Variants in SLCO1B3 observed in about 807,000 individuals in gnomAD.
The protein encoded by SLCO1B3 is solute carrier organic anion transporter family member 1B3, also known as liver-specific organic anion transporter 2.
In SLCO1B3, 72 loss-of-function variants were observed where a neutral mutation model predicts 71.8. The ratio of observed to expected loss-of-function variants is 1.00; its 90% CI spans 0.83 to 1.22. The LOEUF (loss-of-function observed/expected upper bound fraction) is 1.22. Among genes scored for constraint, SLCO1B3 ranks in the 50% most tolerant of loss-of-function variants. The probability of loss-of-function intolerance (pLI) is 0.00; values close to 1 mark genes in which losing one functional copy is unlikely to be tolerated. For missense variants in SLCO1B3, 911 were observed against 819.7 expected, an observed-to-expected ratio of 1.11 and a Z score of -1.36; for synonymous variants, 298 against 278.4, an observed-to-expected ratio of 1.07 and a Z score of -0.70.
intron 13 of SLCO1B3, among the ~76,000 whole-genome samples, chr12:20,892,535 A>G (rs1865924766): frequency 6.6e-6 from 1 of 152,144 alleles, no homozygotes; most frequent in Non-Finnish European, 1.5e-5. Flanking sequence ...AAAAGAGTTT[A>G]ACCAGGACAC....
At chr12:20,818,849 A>G (rs1424182061) in intron 3 of SLCO1B3, among the ~76,000 whole-genome samples, 1 of 130,404 alleles carries the variant, frequency 7.7e-6, no homozygotes, top group South Asian at 2.4e-4. Context: ...AGAGAGATGC[A>G]GTCATGAGGG....
chr12:20,885,740 T>C (rs1012274775), intron 13 of SLCO1B3, among the ~76,000 whole-genome samples: 1 of 150,594 alleles, frequency 6.6e-6, no homozygotes, highest in Non-Finnish European at 1.5e-5. Flanking sequence ...GAAAAAAGTG[T>C]GTGAGGAAAA....
intron 3 of SLCO1B3, among the ~76,000 whole-genome samples, chr12:20,831,731 T>C (rs1313449732): frequency 6.6e-6 from 1 of 151,996 alleles, no homozygotes; most frequent in Admixed American, 6.6e-5. Flanking sequence ...AATTTTGAAA[T>C]CTTGTGAATT....
rs141000839 is a variant in SLCO1B3, at chr12:20,829,874, C to G, written c.84+14052C>G. 7.3e-3 allele frequency among the ~76,000 whole-genome samples: 1,107 copies of G among 152,198 alleles called. 6 individuals carry two copies. Among genetic ancestry groups the G allele is most frequent in the South Asian group, 0.029 (139 of 4,814 alleles). ...TGTGGCCATGGCATTTATAAACTGTCATGGCGCTGGTGGGAGTGTAGCAGT... is the reference window on the plus strand; with the variant it reads ...TGTGGCCATGGCATTTATAAACTGTGATGGCGCTGGTGGGAGTGTAGCAGT... On this transcript the variant is annotated intron_variant, in intron 3 of 15. Coordinates refer to ENST00000381545, the MANE Select transcript of SLCO1B3 (RefSeq NM_019844.4).
At chr12:20,890,108 G>A (rs369494746) in intron 13 of SLCO1B3, among the ~76,000 whole-genome samples, 6 of 151,170 alleles carry the variant, frequency 4.0e-5, no homozygotes, top group South Asian at 4.2e-4. Context: ...TAATAGAGAC[G>A]GGGTTTCACC....
At chr12:20,893,193 T>G (rs1372717584) in intron 13 of SLCO1B3, among the ~76,000 whole-genome samples, 1 of 152,038 alleles carries the variant, frequency 6.6e-6, no homozygotes, top group African/African-American at 2.4e-5. Context: ...ATTTTAAAAG[T>G]GGGTACTGAT....
Position 20,833,142 on chromosome 12 carries a change from C to T in SLCO1B3, c.84+17320C>T, listed in dbSNP as rs185865142. 8.1e-4 allele frequency among the ~76,000 whole-genome samples: 123 copies of T among 152,226 alleles called. 1 individual carries two copies. Among genetic ancestry groups the T allele is most frequent in the Middle Eastern group, 6.8e-3 (2 of 292 alleles). ...CCGTGTTCAAAGCTAGTGAAGTCCA[C>T]GTCACATGGATGCTTCTTTCACATT... On this transcript the variant is annotated intron_variant, in intron 3 of 15. Coordinates refer to ENST00000381545, the MANE Select transcript of SLCO1B3 (RefSeq NM_019844.4).
chr12:20,833,949 T>C (rs986498030), intron 3 of SLCO1B3, among the ~76,000 whole-genome samples: 3 of 146,236 alleles, frequency 2.1e-5, no homozygotes, highest in Non-Finnish European at 3.0e-5. Flanking sequence ...CACATATACA[T>C]ATATAAGCTG....
intron 15 of SLCO1B3, among the ~76,000 whole-genome samples, chr12:20,909,229 G>C (rs950996879): frequency 7.0e-6 from 1 of 143,174 alleles, no homozygotes; most frequent in Admixed American, 7.1e-5. Flanking sequence ...GCAGTGGCAT[G>C]ATCTCGGCTC....
chr12:20,874,183 T>C (rs1865532038), intron 8 of SLCO1B3, among the ~76,000 whole-genome samples: 1 of 152,136 alleles, frequency 6.6e-6, no homozygotes. Flanking sequence ...AATTGCCACA[T>C]TTTTTGTTTT....
At chr12:20,812,518 G>GT (rs756722335) in intron 1 of SLCO1B3, among the ~76,000 whole-genome samples, 67 of 152,286 alleles carry the variant, frequency 4.4e-4, no homozygotes, top group Admixed American at 6.5e-4. Context: ...TATACATGAA[G>GT]GTAGAGAGCT....
chr12:20,849,102 ATT>A (rs151217916), intron 3 of SLCO1B3, among the ~76,000 whole-genome samples: 1 of 150,098 alleles, frequency 6.7e-6, no homozygotes, highest in Non-Finnish European at 1.5e-5. Flanking sequence ...TTATGGTCAA[ATT>A]TTTTTTTTGT....
chr12:20,830,540 A>C (rs532736027), intron 3 of SLCO1B3, among the ~76,000 whole-genome samples: 1 of 152,156 alleles, frequency 6.6e-6, no homozygotes, highest in African/African-American at 2.4e-5. Context: ...AACATAGAGT[A>C]CCTACTCCTG....
intron 13 of SLCO1B3, among the ~76,000 whole-genome samples, chr12:20,895,217 C>G (rs958729269): frequency 6.6e-6 from 1 of 152,168 alleles, no homozygotes; most frequent in African/African-American, 2.4e-5. Context: ...CATGTCCTCA[C>G]ATTTCAATAC....
intron 11 of SLCO1B3, 54 bp downstream of exon 11, chr12:20,879,685 GA>G: frequency 8.6e-7 from 1 of 1,160,346 alleles, no homozygotes; most frequent in Non-Finnish European, 1.2e-6. Context: ...CAAATTAAAA[GA>G]TTATGTGCAA....
chr12:20,825,847 A>T (rs934643163), intron 3 of SLCO1B3, among the ~76,000 whole-genome samples: 16 of 151,662 alleles, frequency 1.1e-4, no homozygotes, highest in African/African-American at 3.9e-4. Flanking sequence ...TGAAAACTTA[A>T]TAGAATTAGG....
chr12:20,810,761 C>A lies in SLCO1B3; in HGVS notation c.-184C>A, dbSNP rs1417644579. ...TTGCAGTTGCTGTAGCATTCAAAGT[C>A]AAGGTAAGAACCGTCGAGGTTGTCT... On this transcript the variant is annotated 5_prime_UTR_variant, in exon 1 of 16. Coordinates refer to ENST00000381545, the MANE Select transcript of SLCO1B3 (RefSeq NM_019844.4). The A allele has an allele frequency of 6.6e-6, 1 of 152,124 alleles. No homozygotes were observed. Among genetic ancestry groups the A allele is most frequent in the African/African-American group, 2.4e-5 (1 of 41,426 alleles). 9.4% of individuals were successfully genotyped at this position (152,124 alleles called of 1,614,324 possible).
chr12:20,858,644 C>T (rs1591764803), intron 5 of SLCO1B3, 73 bp downstream of exon 5: 7 of 1,429,022 alleles, frequency 4.9e-6, no homozygotes, highest in African/African-American at 4.3e-5. Context: ...TATTTTTATA[C>T]TTGTAAGTGG....
intron 13 of SLCO1B3, among the ~76,000 whole-genome samples, chr12:20,894,595 A>C (rs1372019217): frequency 6.6e-6 from 1 of 152,138 alleles, no homozygotes; most frequent in East Asian, 1.9e-4. Context: ...ATACCGACAA[A>C]GTGTAACTTC....
Sources: allele counts gnomAD v4.1 joint callset (sites outside exome capture counted in the v4.1 genomes callset), GRCh38; gene constraint gnomAD v4.1.1; transcripts MANE v1.5; gene names NCBI Gene and HGNC (gene_info 2026-07-23, HGNC 2026-07-21).